Variants in HECW1 observed in about 807,000 individuals in gnomAD.
The protein encoded by HECW1 is HECT, C2 and WW domain containing E3 ubiquitin protein ligase 1.
In HECW1, 61 loss-of-function variants were observed where a neutral mutation model predicts 182.3. The observed-to-expected ratio is 0.33, with a 90% CI of 0.27 to 0.41. The LOEUF is 0.41. Among genes scored for constraint, HECW1 ranks in the 10% least tolerant of loss-of-function variants. The pLI is 1.00. For missense variants in HECW1, 1,739 were observed against 2,108.9 expected (o/e 0.82, Z 3.44); for synonymous variants, 859 against 832.6 (o/e 1.03, Z -0.55).
At chr7:43,191,485 A>AC (rs111600912) in intron 2 of HECW1, among the ~76,000 whole-genome samples, 15,698 of 152,226 alleles carry the variant, frequency 0.1, 888 homozygotes, top group East Asian at 0.15. Context: ...CCCAGCTGTC[A>AC]CCATGTGTGT....
At chr7:43,550,268 G>A (rs143014386) in intron 26 of HECW1, among the ~76,000 whole-genome samples, 177 bp from the exon 27 acceptor site, 1 of 152,310 alleles carries the variant, frequency 6.6e-6, no homozygotes, top group East Asian at 1.9e-4. Flanking sequence ...AATCTGCTTA[G>A]AACAGCCAGA....
intron 12 of HECW1, among the ~76,000 whole-genome samples, chr7:43,455,379 T>C (rs962858501): frequency 4.6e-5 from 7 of 152,112 alleles, no homozygotes; most frequent in African/African-American, 1.7e-4. Flanking sequence ...GGAAAGGCAA[T>C]CTATTAAGTT....
At chr7:43,394,463 C>A (rs931292343) in intron 6 of HECW1, among the ~76,000 whole-genome samples, 2 of 152,076 alleles carry the variant, frequency 1.3e-5, no homozygotes, top group Admixed American at 1.3e-4. Flanking sequence ...GGAAAGAAGG[C>A]TTTTTATTTG....
chr7:43,519,480 A>C (rs1281249554), intron 24 of HECW1, among the ~76,000 whole-genome samples: 1 of 152,118 alleles, frequency 6.6e-6, no homozygotes, highest in Non-Finnish European at 1.5e-5. Context: ...TCCTGACTTC[A>C]TGATTGGCCC....
At chr7:43,383,739 C>A (rs1288347967) in intron 6 of HECW1, among the ~76,000 whole-genome samples, 1 of 152,086 alleles carries the variant, frequency 6.6e-6, no homozygotes, top group Non-Finnish European at 1.5e-5. Context: ...GCTTCCAATC[C>A]CCCATGCAGT....
In HECW1 at chr7:43,479,616, T is replaced by C. The variant is rs1362427965; in HGVS notation, c.3106T>C (p.Phe1036Leu). The change falls in exon 17 of 30, where the codon TTC becomes CTC. Residue 1036 changes from phenylalanine (F) to leucine (L), a missense_variant. Physicochemically the swap from Phe to Leu is conservative, Grantham distance 22 (BLOSUM62 0). Transcript: ENST00000395891. ...TTCACTGGTCTGTTCGCAGTCTTTT[T>C]TCGTGGACCACAACAGTCGAGCTAC... is the stretch of plus-strand genomic sequence containing the variant. Reference protein sequence around the residue: ...IKTDQQGKSFFVDHNSRATTF... With the variant: ...IKTDQQGKSFLVDHNSRATTF... 3 of 1,614,014 alleles carry C rather than the reference T, an allele frequency of 1.9e-6. No individual in the cohort carries two copies. Among genetic ancestry groups the C allele is most frequent in the Non-Finnish European group, 2.5e-6 (3 of 1,180,000 alleles).
At chr7:43,184,652 A>T (rs113276517) in intron 2 of HECW1, among the ~76,000 whole-genome samples, 1,897 of 152,300 alleles carry the variant, frequency 0.012, 32 homozygotes, top group African/African-American at 0.042. Flanking sequence ...CTAAAGGTTG[A>T]GTTGATCACC....
intron 13 of HECW1, among the ~76,000 whole-genome samples, chr7:43,460,739 C>T (rs1041192671): frequency 2.6e-5 from 4 of 152,146 alleles, no homozygotes; most frequent in African/African-American, 7.2e-5. Context: ...GTTTAAAGCT[C>T]GGGAGCCTCT....
chr7:43,213,508 T>C (rs1160446627), intron 2 of HECW1, among the ~76,000 whole-genome samples: 11 of 145,788 alleles, frequency 7.5e-5, no homozygotes, highest in Non-Finnish European at 1.6e-4. Context: ...TGTAGTGGCG[T>C]GATCTCGGCT....
intron 29 of HECW1, among the ~76,000 whole-genome samples, chr7:43,561,452 G>A (rs533846604): frequency 6.6e-6 from 1 of 152,264 alleles, no homozygotes; most frequent in East Asian, 1.9e-4. Context: ...AGAAGACTTA[G>A]GAATATAATC....
intron 3 of HECW1, among the ~76,000 whole-genome samples, chr7:43,273,331 AATAAAG>A (rs1802654101): frequency 6.6e-6 from 1 of 152,186 alleles, no homozygotes. Context: ...AGTTGAAAAA[AATAAAG>A]ATAAATAAAT....
chr7:43,513,278 T>C (rs528942762), intron 24 of HECW1, among the ~76,000 whole-genome samples: 7 of 152,184 alleles, frequency 4.6e-5, no homozygotes, highest in Non-Finnish European at 7.4e-5. Flanking sequence ...TTAAGATCTT[T>C]ACACTCTGGG....
intron 8 of HECW1, among the ~76,000 whole-genome samples, chr7:43,412,462 A>G (rs1335403061): frequency 7.7e-6 from 1 of 129,422 alleles, no homozygotes; most frequent in Non-Finnish European, 1.6e-5. Context: ...TATTTATTTT[A>G]ATTATTATAC....
Position 43,447,407 on chromosome 7 carries a change from C to A in HECW1, c.2398+1837C>A, listed in dbSNP as rs113412764. ...AAGAGCAGGAAGTGTTTCAGGGTCA[C>A]AGTGGACATCTCTGAATTGGCACTG... On this transcript the variant is annotated intron_variant, in intron 11 of 29. Transcript: ENST00000395891. 1.2e-3 allele frequency among the ~76,000 whole-genome samples: 180 copies of A among 152,296 alleles called. 1 individual carries two copies. The highest frequency in any genetic ancestry group is 4.3e-3 in the African/African-American group (177 of 41,568).
chr7:43,332,516 G>A (rs1433614893), intron 5 of HECW1, among the ~76,000 whole-genome samples: 1 of 152,228 alleles, frequency 6.6e-6, no homozygotes, highest in African/African-American at 2.4e-5. Context: ...AAGGGACACT[G>A]ACCTAACTAA....
chr7:43,511,132 T>C (rs2079845647), intron 24 of HECW1: 1 of 152,276 alleles, frequency 6.6e-6, no homozygotes, highest in South Asian at 2.1e-4. Flanking sequence ...GGATCCCTGA[T>C]GAGGGCTTGA....
At chr7:43,498,069 AG>A (rs2079185315) in intron 19 of HECW1, among the ~76,000 whole-genome samples, 1 of 152,202 alleles carries the variant, frequency 6.6e-6, no homozygotes, top group Admixed American at 6.5e-5. Flanking sequence ...TGGCTTCCTC[AG>A]TTCTCAGTGC....
chr7:43,501,459 C>G (rs1163030403), intron 21 of HECW1, 137 bp downstream of exon 21: 1 of 536,712 alleles, frequency 1.9e-6, no homozygotes, highest in Non-Finnish European at 3.3e-6. Flanking sequence ...TGCACTCTAT[C>G]AGGTTTTGAC....
At chr7:43,443,904 C>G (rs1249176917) in intron 10 of HECW1, among the ~76,000 whole-genome samples, 7 of 152,240 alleles carry the variant, frequency 4.6e-5, no homozygotes, top group African/African-American at 1.7e-4. Context: ...ATGTGGCAAA[C>G]ACTGTTGAGC....
Sources: gnomAD v4.1 joint callset for allele counts (sites outside exome capture counted in the v4.1 genomes callset) on GRCh38, gnomAD v4.1.1 for gene constraint, MANE v1.5 for transcripts, NCBI Gene and HGNC (gene_info 2026-07-23, HGNC 2026-07-21) for gene names.